The following VRK2 variants were observed in gnomAD, a reference collection of about 807,000 sequenced individuals.
VRK2 encodes the protein serine/threonine-protein kinase VRK2.
VRK2 carries 60 observed loss-of-function variants against 57.6 expected under a neutral mutation model. That is an observed-to-expected ratio of 1.04 (90% CI 0.85 to 1.29). The LOEUF (loss-of-function observed/expected upper bound fraction) is 1.29. Among genes scored for constraint, VRK2 ranks in the 50% most tolerant of loss-of-function variants. The probability of loss-of-function intolerance (pLI) is 0.00; values close to 1 mark genes in which losing one functional copy is unlikely to be tolerated. For missense variants in VRK2, 705 were observed against 588.1 expected (o/e 1.20, Z -2.06); for synonymous variants, 231 against 199.2 (o/e 1.16, Z -1.35).
intron 11 of VRK2, among the ~76,000 whole-genome samples, chr2:58,143,576 C>T (rs1329402183): frequency 6.6e-6 from 1 of 151,906 alleles, no homozygotes; most frequent in Non-Finnish European, 1.5e-5. Context: ...GGAACTTTCA[C>T]AGAGGAGTGA....
chr2:57,909,096 T>C (rs1669910762), intron 1 of VRK2, among the ~76,000 whole-genome samples: 1 of 152,224 alleles, frequency 6.6e-6, no homozygotes, highest in African/African-American at 2.4e-5. Flanking sequence ...ATTCCCTCAG[T>C]GGAGCTCATG....
intron 7 of VRK2, among the ~76,000 whole-genome samples, chr2:58,090,077 T>C (rs935835023): frequency 6.6e-6 from 1 of 152,162 alleles, no homozygotes; most frequent in Non-Finnish European, 1.5e-5. Flanking sequence ...TAGTTCATCA[T>C]TTCCTACTGT....
At chr2:58,019,649 GT>G (rs1343616473) in intron 1 of VRK2, among the ~76,000 whole-genome samples, 1 of 152,140 alleles carries the variant, frequency 6.6e-6, no homozygotes, top group African/African-American at 2.4e-5. Context: ...GCTTTTTAAT[GT>G]TTGCAGCACA....
intron 2 of VRK2, among the ~76,000 whole-genome samples, chr2:58,073,319 T>C (rs1388837050): frequency 1.3e-5 from 2 of 152,138 alleles, no homozygotes; most frequent in East Asian, 3.9e-4. Context: ...ACCAGTTAAA[T>C]TCATTGATTG....
At chr2:57,957,658 A>C (rs1671629606) in intron 1 of VRK2, among the ~76,000 whole-genome samples, 1 of 149,112 alleles carries the variant, frequency 6.7e-6, no homozygotes, top group Non-Finnish European at 1.5e-5. Flanking sequence ...ATATAGATAT[A>C]GACATAGATA....
At chr2:58,103,374 A>G (rs1246028430) in intron 7 of VRK2, among the ~76,000 whole-genome samples, 1 of 151,598 alleles carries the variant, frequency 6.6e-6, no homozygotes, top group Non-Finnish European at 1.5e-5. Flanking sequence ...AGAATAGAGA[A>G]GTTCCAAATA....
In VRK2 at chr2:58,159,849, A is replaced by G. The variant is rs1316972931; in HGVS notation, c.*156A>G. The stretch of plus-strand genomic sequence containing the variant: ...ACAAAGTTTGTGGACACTCTAAAAA[A>G]TAAAATTGCTTTGTACTAGAAATAG... On this transcript the variant is annotated 3_prime_UTR_variant, in exon 13 of 13. Transcript: ENST00000340157. 1 of 1,607,554 alleles carries G rather than the reference A, an allele frequency of 6.2e-7. No individual in the cohort carries two copies. The highest frequency in any genetic ancestry group is 1.1e-5 in the South Asian group (1 of 90,256).
intron 2 of VRK2, among the ~76,000 whole-genome samples, chr2:58,082,293 C>T (rs1670999179): frequency 6.6e-6 from 1 of 151,784 alleles, no homozygotes; most frequent in African/African-American, 2.4e-5. Flanking sequence ...CCAGTGGTAA[C>T]ATAATCTGTT....
intron 1 of VRK2, among the ~76,000 whole-genome samples, chr2:57,966,640 G>A (rs1671925686): frequency 6.6e-6 from 1 of 151,766 alleles, no homozygotes; most frequent in African/African-American, 2.4e-5. Flanking sequence ...ATGTACAAAC[G>A]CTTTTCAGAA....
intron 1 of VRK2, among the ~76,000 whole-genome samples, chr2:57,925,683 T>C (rs1337181892): frequency 2.0e-5 from 3 of 151,874 alleles, no homozygotes; most frequent in Non-Finnish European, 2.9e-5. Context: ...TCATTTCAGT[T>C]TCATTTATTT....
At chr2:58,125,727 A>G (rs1678242437) in intron 8 of VRK2, among the ~76,000 whole-genome samples, 1 of 152,136 alleles carries the variant, frequency 6.6e-6, no homozygotes, top group African/African-American at 2.4e-5. Flanking sequence ...ATAAATATAG[A>G]TATACACATT....
At chr2:58,040,544 A>AAAT (rs1309414105) in intron 3 of VRK2, among the ~76,000 whole-genome samples, 1 of 152,176 alleles carries the variant, frequency 6.6e-6, no homozygotes, top group African/African-American at 2.4e-5. Context: ...GCAGTAAGAG[A>AAAT]AATTGTGACC....
At chr2:58,046,927 A>C (rs1392034736) in intron 1 of VRK2, 59 bp downstream of exon 1, 8 of 985,266 alleles carry the variant, frequency 8.1e-6, no homozygotes, top group South Asian at 9.4e-5. Flanking sequence ...GCAGTGCCGG[A>C]GCCGCGGCCC....
intron 1 of VRK2, chr2:58,047,365 A>G (rs1457061607): frequency 1.1e-6 from 1 of 951,144 alleles, no homozygotes; most frequent in Non-Finnish European, 1.3e-6. Context: ...GACTCATCTT[A>G]GCCCTGGGAA....
intron 1 of VRK2, among the ~76,000 whole-genome samples, chr2:57,953,775 A>G (rs191715221): frequency 2.6e-5 from 4 of 152,312 alleles, no homozygotes; most frequent in Non-Finnish European, 4.4e-5. Context: ...GGAAAAAAAA[A>G]GTCCTTCGGA....
At chr2:57,967,351 T>A (rs1365263149) in intron 1 of VRK2, among the ~76,000 whole-genome samples, 3 of 152,038 alleles carry the variant, frequency 2.0e-5, no homozygotes, top group Non-Finnish European at 4.4e-5. Flanking sequence ...TCTGCACATG[T>A]ACCCCAGAAC....
chr2:57,923,857 G>A (rs972973500), intron 1 of VRK2, among the ~76,000 whole-genome samples: 3 of 151,942 alleles, frequency 2.0e-5, no homozygotes, highest in East Asian at 1.9e-4. Context: ...TTCAGTTTCA[G>A]TTCTTAGATT....
At chr2:57,996,058 C>T (rs567176418) in intron 1 of VRK2, among the ~76,000 whole-genome samples, 118 of 152,302 alleles carry the variant, frequency 7.7e-4, no homozygotes, top group Admixed American at 2.2e-3. Flanking sequence ...AAAACATTTA[C>T]ATTGCATTAG....
intron 7 of VRK2, among the ~76,000 whole-genome samples, chr2:58,107,804 T>G (rs539347004): frequency 6.6e-6 from 1 of 152,140 alleles, no homozygotes; most frequent in Non-Finnish European, 1.5e-5. Context: ...GTGTCCTGCT[T>G]CTTTCTCTGC....
Sources: allele counts gnomAD v4.1 joint callset (sites outside exome capture counted in the v4.1 genomes callset), GRCh38; gene constraint gnomAD v4.1.1; transcripts MANE v1.5; gene names NCBI Gene and HGNC (gene_info 2026-07-23, HGNC 2026-07-21).